NUBPL: variants seen among roughly 807,000 people sequenced by gnomAD.
NUBPL encodes the protein iron-sulfur cluster transfer protein NUBPL.
NUBPL carries 31 observed loss-of-function variants against 45.7 expected under a neutral mutation model. That is an observed-to-expected ratio of 0.68 (90% confidence interval 0.51 to 0.92). NUBPL has a LOEUF of 0.92. Among genes scored for constraint, NUBPL ranks in the 40% least tolerant of loss-of-function variants. NUBPL has a pLI of 0.00. For missense variants in NUBPL, 401 were observed against 398.7 expected (o/e 1.01, Z -0.05); for synonymous variants, 144 against 140.9 (o/e 1.02, Z -0.15).
chr14:31,742,939 A>C (rs1283964955), intron 6 of NUBPL, among the ~76,000 whole-genome samples: 2 of 151,848 alleles, frequency 1.3e-5, no homozygotes, highest in Admixed American at 6.6e-5. Flanking sequence ...AACTTCTATA[A>C]ATTTTATTTT....
intron 6 of NUBPL, among the ~76,000 whole-genome samples, chr14:31,745,468 A>G (rs1483259237): frequency 6.6e-6 from 1 of 151,730 alleles, no homozygotes; most frequent in Admixed American, 6.6e-5. Context: ...ACATTTTTGT[A>G]TTTTTTTAGT....
At chr14:31,640,370 T>C (rs1462865278) in intron 4 of NUBPL, among the ~76,000 whole-genome samples, 1 of 152,016 alleles carries the variant, frequency 6.6e-6, no homozygotes, top group African/African-American at 2.4e-5. Context: ...GAGGCCAAGG[T>C]GGGTGGATCA....
chr14:31,579,992 C>A (rs1825702584), intron 3 of NUBPL, among the ~76,000 whole-genome samples: 1 of 152,150 alleles, frequency 6.6e-6, no homozygotes, highest in Non-Finnish European at 1.5e-5. Flanking sequence ...ATTGAAAAGG[C>A]AAAATGGGAA....
intron 7 of NUBPL, among the ~76,000 whole-genome samples, chr14:31,799,202 T>C (rs1166405050): frequency 6.6e-6 from 1 of 152,144 alleles, no homozygotes; most frequent in African/African-American, 2.4e-5. Context: ...AATTTTGATA[T>C]TAGCTAGATA....
intron 6 of NUBPL, among the ~76,000 whole-genome samples, chr14:31,744,322 A>G (rs1238265635): frequency 6.6e-6 from 1 of 152,230 alleles, no homozygotes; most frequent in Non-Finnish European, 1.5e-5. Context: ...TCTTCTGACT[A>G]AGCATTTTGA....
chr14:31,783,186 CTTA>C (rs1348391146), intron 6 of NUBPL, among the ~76,000 whole-genome samples: 1 of 152,142 alleles, frequency 6.6e-6, no homozygotes, highest in Non-Finnish European at 1.5e-5. Context: ...GAGGTGTGAT[CTTA>C]TTATATCTTG....
At chr14:31,834,438 C>T (rs1319741296) in intron 8 of NUBPL, among the ~76,000 whole-genome samples, 6 of 152,094 alleles carry the variant, frequency 3.9e-5, no homozygotes, top group Admixed American at 3.9e-4. Flanking sequence ...CTTGGCCTCC[C>T]AAAGTGCTGG....
At chr14:31,701,110 C>T (rs1229400679) in intron 6 of NUBPL, among the ~76,000 whole-genome samples, 1 of 145,344 alleles carries the variant, frequency 6.9e-6, no homozygotes, top group African/African-American at 2.4e-5. Flanking sequence ...TGTGGATGCA[C>T]CAGTCAGCAC....
At chr14:31,817,810 G>C (rs188557128) in intron 7 of NUBPL, among the ~76,000 whole-genome samples, 1 of 152,014 alleles carries the variant, frequency 6.6e-6, no homozygotes, top group Non-Finnish European at 1.5e-5. Context: ...ACAAATAACT[G>C]TATTAACCTT....
chr14:31,717,626 T>C (rs1443315962), intron 6 of NUBPL, among the ~76,000 whole-genome samples: 1 of 152,176 alleles, frequency 6.6e-6, no homozygotes, highest in Non-Finnish European at 1.5e-5. Context: ...TTTTAATTTG[T>C]GGCTCCTTCA....
intron 4 of NUBPL, among the ~76,000 whole-genome samples, chr14:31,645,301 C>T (rs578189269): frequency 2.0e-5 from 3 of 152,036 alleles, no homozygotes; most frequent in East Asian, 1.9e-4. Flanking sequence ...CTCCTGACCT[C>T]GTGATCCGCC....
intron 6 of NUBPL, among the ~76,000 whole-genome samples, chr14:31,783,120 C>A (rs1229220038): frequency 6.6e-6 from 1 of 152,162 alleles, no homozygotes; most frequent in African/African-American, 2.4e-5. Flanking sequence ...GAAGGAAATG[C>A]TCAAATCCAT....
In NUBPL at chr14:31,859,118, G is replaced by A. The variant is rs1321300025; in HGVS notation, c.898G>A (p.Ala300Thr). 5 of 1,613,476 alleles carry A rather than the reference G, an allele frequency of 3.1e-6. No individual in the cohort carries two copies. In the South Asian group the frequency reaches 5.5e-5, roughly 18 times the overall value. ...IVFSQPESDEAKAYLRIAVEV... is the reference protein window; with the variant it reads ...IVFSQPESDETKAYLRIAVEV... ...AACAAATAAGTTTGTTCTTTTCCAG[G>A]CCAAAGCTTACTTGAGGATTGCTGT... The change falls in exon 11 of 11, where the codon GCC becomes ACC. Residue 300 changes from alanine (A) to threonine (T), a missense_variant and splice_region_variant. Coordinates refer to ENST00000281081, the MANE Select transcript of NUBPL (RefSeq NM_025152.3).
At chr14:31,803,405 G>T (rs983414846) in intron 7 of NUBPL, among the ~76,000 whole-genome samples, 4 of 151,962 alleles carry the variant, frequency 2.6e-5, no homozygotes, top group Admixed American at 2.6e-4. Flanking sequence ...AAAACATTTG[G>T]CTATTTTGGA....
At chr14:31,802,920 G>C (rs1231179743) in intron 7 of NUBPL, among the ~76,000 whole-genome samples, 1 of 152,136 alleles carries the variant, frequency 6.6e-6, no homozygotes, top group African/African-American at 2.4e-5. Flanking sequence ...TAAAGTGAAA[G>C]GCATTTATTG....
chr14:31,692,508 G>A (rs1314074910), intron 6 of NUBPL, among the ~76,000 whole-genome samples: 1 of 152,176 alleles, frequency 6.6e-6, no homozygotes, highest in Admixed American at 6.5e-5. Flanking sequence ...CAGTTTTAGT[G>A]CTTTTAGTTC....
intron 4 of NUBPL, among the ~76,000 whole-genome samples, chr14:31,653,206 A>G (rs1208050303): frequency 1.3e-5 from 2 of 152,212 alleles, no homozygotes; most frequent in Non-Finnish European, 2.9e-5. Flanking sequence ...CTGTGCACGT[A>G]TTGTCTTGAT....
chr14:31,705,637 A>G (rs896456136), intron 6 of NUBPL, among the ~76,000 whole-genome samples: 18 of 151,966 alleles, frequency 1.2e-4, no homozygotes, highest in African/African-American at 3.9e-4. Flanking sequence ...ACAAACCTTT[A>G]GCTAGACACA....
chr14:31,578,373 G>A (rs980516251), intron 3 of NUBPL, among the ~76,000 whole-genome samples: 1 of 152,128 alleles, frequency 6.6e-6, no homozygotes, highest in African/African-American at 2.4e-5. Flanking sequence ...GCATTTTAAA[G>A]CTTTAATTTT....
Sources: allele counts gnomAD v4.1 joint callset (sites outside exome capture counted in the v4.1 genomes callset), GRCh38; gene constraint gnomAD v4.1.1; transcripts MANE v1.5; gene names NCBI Gene and HGNC (gene_info 2026-07-23, HGNC 2026-07-21).